GMEB1: variants seen among roughly 807,000 people sequenced by gnomAD.
GMEB1 encodes glucocorticoid modulatory element binding protein 1.
Under a neutral mutation model 52.4 loss-of-function variants are expected in GMEB1, and 6 were observed. That is an observed-to-expected ratio of 0.11 (90% CI 0.06 to 0.23). The LOEUF (loss-of-function observed/expected upper bound fraction) is 0.23, where lower values mean the gene tolerates loss of function less well. Ranked by LOEUF, GMEB1 falls within the 10% of genes least tolerant of loss-of-function variation. The pLI is 1.00. For missense variants in GMEB1, 486 were observed against 685.6 expected (o/e 0.71, Z 3.25); for synonymous variants, 255 against 244.9 (o/e 1.04, Z -0.38).
At chr1:28,683,414 C>T (rs1411195171) in intron 1 of GMEB1, 169 bp from the exon 2 acceptor site, 4 of 493,332 alleles carry the variant, frequency 8.1e-6, no homozygotes, top group African/African-American at 2.0e-5. Flanking sequence ...TTAGTAGAGA[C>T]AGATTTCTCC....
chr1:28,689,486 GGGCGTGGT>G, intron 2 of GMEB1, among the ~76,000 whole-genome samples: 2 of 152,204 alleles, frequency 1.3e-5, no homozygotes, highest in Non-Finnish European at 2.9e-5. Flanking sequence ...AAATTTAGTG[GGGCGTGGT>G]GGCGGGCTCC....
chr1:28,691,579 T>C lies in GMEB1; in HGVS notation c.212-6T>C. The C allele has an allele frequency of 6.6e-7, 1 of 1,526,390 alleles. No homozygotes were observed. Among genetic ancestry groups the C allele is most frequent in the Non-Finnish European group, 8.9e-7 (1 of 1,123,512 alleles). The allele number at this position is 1,526,390 out of a possible 1,614,324, so 94.6% of individuals were successfully genotyped here. ...GATAAATAACTGATATTTTTTCTGTTTTCAGATACAGGCACTATAGAAGCA... is the reference window on the plus strand; with the variant it reads ...GATAAATAACTGATATTTTTTCTGTCTTCAGATACAGGCACTATAGAAGCA... On this transcript the variant is annotated splice_region_variant and splice_polypyrimidine_tract_variant and intron_variant, in intron 3 of 9. Transcript: ENST00000373816.
chr1:28,673,776 G>A (rs2124447612), intron 1 of GMEB1, among the ~76,000 whole-genome samples: 1 of 152,248 alleles, frequency 6.6e-6, no homozygotes, highest in Middle Eastern at 3.4e-3. Context: ...CACTTTGGGA[G>A]GCCGAGGTGA....
At chr1:28,685,422 C>T (rs952617377) in intron 2 of GMEB1, among the ~76,000 whole-genome samples, 12 of 151,942 alleles carry the variant, frequency 7.9e-5, no homozygotes, top group Non-Finnish European at 1.3e-4. Context: ...GATCATGCCA[C>T]TGCACTGCAG....
intron 2 of GMEB1, among the ~76,000 whole-genome samples, chr1:28,687,601 G>A (rs1413764428): frequency 6.6e-6 from 1 of 151,998 alleles, no homozygotes; most frequent in Non-Finnish European, 1.5e-5. Flanking sequence ...TAACAATGAG[G>A]AGAGAGGGTG....
At chr1:28,673,674 T>G (rs1669005803) in intron 1 of GMEB1, among the ~76,000 whole-genome samples, 1 of 152,188 alleles carries the variant, frequency 6.6e-6, no homozygotes. Context: ...CTGGTGGCTA[T>G]ATAAGCAGCG....
rs561478354 is a variant in GMEB1 at position 28,690,151 on chromosome 1, A to C, written c.176A>C (p.Glu59Ala). The C allele has an allele frequency of 6.9e-6, 11 of 1,592,896 alleles. No individual in the cohort carries two copies. In the East Asian group the frequency reaches 2.5e-4, roughly 36 times the overall value. Residue 59 changes from glutamate to alanine, a missense_variant, in exon 3 of 10, where the codon GAA becomes GCA. By Grantham distance (107) the Glu-to-Ala change is moderately radical. Transcript: ENST00000373816. ...SENNTAVVAV[E>A]THTIHKIEEG... ...AACAACACGGCAGTTGTAGCAGTAG[A>C]AACTCACACGATACACAAAATTGAA... is the stretch of plus-strand genomic sequence containing the variant.
intron 1 of GMEB1, among the ~76,000 whole-genome samples, chr1:28,676,476 C>T (rs1227284173): frequency 6.6e-6 from 1 of 152,178 alleles, no homozygotes; most frequent in African/African-American, 2.4e-5. Flanking sequence ...GCCTGTAATC[C>T]CAACACTTTG....
chr1:28,714,601 A>C lies in GMEB1; in HGVS notation c.1520A>C (p.Asp507Ala). The C allele has an allele frequency of 6.2e-7, 1 of 1,614,158 alleles. No homozygotes were observed. The highest frequency in any genetic ancestry group is 8.5e-7 in the Non-Finnish European group (1 of 1,180,030). Residue 507 changes from aspartate (D) to alanine (A), a missense_variant, in exon 10 of 10, where the codon GAT becomes GCT. By Grantham distance (126) the Asp-to-Ala change is moderately radical (BLOSUM62 -2). Around this residue, in one of 5 missense-constraint regions of GMEB1, gnomAD observed 153 missense variants for 200.8 expected, o/e 0.76. Transcript: ENST00000373816. ...CAGGCTGTTGAAAGCACCTCAGAGG[A>C]TGGGCAGACCATCATTGAGATTGAT... ...AIQAVESTSE[D>A]GQTIIEIDPA... is the part of the protein sequence containing the mutation.
intron 7 of GMEB1, 72 bp downstream of exon 7, chr1:28,702,641 G>A: frequency 7.3e-7 from 1 of 1,373,758 alleles, no homozygotes; most frequent in Non-Finnish European, 1.0e-6. Flanking sequence ...TATGGACACG[G>A]AAGACCTCTT....
chr1:28,678,013 G>A (rs1431990822), intron 1 of GMEB1, among the ~76,000 whole-genome samples: 2 of 151,808 alleles, frequency 1.3e-5, no homozygotes, highest in Non-Finnish European at 2.9e-5. Context: ...GTGAACTCCC[G>A]TCTCTACTAA....
intron 5 of GMEB1, 114 bp downstream of exon 5, chr1:28,693,159 T>C: frequency 2.1e-6 from 1 of 477,494 alleles, no homozygotes; most frequent in Non-Finnish European, 3.8e-6. Flanking sequence ...AAGAATTGGC[T>C]TGAGCAATCC....
intron 2 of GMEB1, among the ~76,000 whole-genome samples, chr1:28,687,400 T>C (rs1329434463): frequency 4.4e-5 from 1 of 22,904 alleles, no homozygotes; most frequent in Non-Finnish European, 9.6e-5. Context: ...AAAAAGACAG[T>C]GGAGAATAAT....
At chr1:28,677,063 A>G (rs1669183199) in intron 1 of GMEB1, among the ~76,000 whole-genome samples, 1 of 152,162 alleles carries the variant, frequency 6.6e-6, no homozygotes, top group Non-Finnish European at 1.5e-5. Context: ...CAAAAATAAA[A>G]AAGAATTGCC....
chr1:28,704,333 A>G lies in GMEB1; in HGVS notation c.868+4A>G. 1.2e-6 allele frequency: 2 copies of G among 1,610,512 alleles called. No homozygotes were observed. Among genetic ancestry groups the G allele is most frequent in the Middle Eastern group, 1.7e-4 (1 of 5,992 alleles). On this transcript the variant is annotated splice_donor_region_variant and intron_variant, in intron 8 of 9. Coordinates refer to ENST00000373816, the MANE Select transcript of GMEB1 (RefSeq NM_001319674.2). ...CAGGCTCCCTTCCAAGTCACAGGTA[A>G]GTGCACTAATCCTAACAGTAGCAGT...
At chr1:28,676,007 T>C (rs536758971) in intron 1 of GMEB1, among the ~76,000 whole-genome samples, 98 of 152,318 alleles carry the variant, frequency 6.4e-4, no homozygotes, top group African/African-American at 2.2e-3. Flanking sequence ...TAGAGTGACA[T>C]TGAGAGATGT....
chr1:28,710,887 C>T (rs1416120943), intron 9 of GMEB1, among the ~76,000 whole-genome samples: 2 of 151,992 alleles, frequency 1.3e-5, no homozygotes, highest in East Asian at 1.9e-4. Flanking sequence ...TAAGATGTCT[C>T]TTAGATTGCT....
At chr1:28,697,851 A>G (rs1670297835) in intron 6 of GMEB1, among the ~76,000 whole-genome samples, 1 of 151,462 alleles carries the variant, frequency 6.6e-6, no homozygotes, top group African/African-American at 2.4e-5. Flanking sequence ...CATGAAGTCA[A>G]GAGATCGGCC....
intron 5 of GMEB1, among the ~76,000 whole-genome samples, chr1:28,695,972 A>T (rs1277778499): frequency 7.0e-6 from 1 of 143,436 alleles, no homozygotes. Flanking sequence ...AAAAAAAAAA[A>T]AATTTTCAGA....
Sources: allele counts gnomAD v4.1 joint callset (sites outside exome capture counted in the v4.1 genomes callset), GRCh38; gene constraint gnomAD v4.1.1; regional missense constraint gnomAD v4.1.1; transcripts MANE v1.5; gene names NCBI Gene and HGNC (gene_info 2026-07-23, HGNC 2026-07-21).